FAM13C: variants seen among roughly 807,000 people sequenced by gnomAD.
FAM13C encodes family with sequence similarity 13 member C, also known as protein FAM13C.
Under a neutral mutation model 73.2 loss-of-function variants are expected in FAM13C, and 37 were observed. The ratio of observed to expected loss-of-function variants is 0.51; its 90% CI spans 0.39 to 0.67. The LOEUF is 0.67. Among genes scored for constraint, FAM13C ranks in the 30% least tolerant of loss-of-function variants. FAM13C has a pLI of 0.00. For missense variants in FAM13C, 589 were observed against 715.6 expected, an observed-to-expected ratio of 0.82 and a Z score of 2.02; for synonymous variants, 246 against 260.9, an observed-to-expected ratio of 0.94 and a Z score of 0.55.
Position 59,342,963 on chromosome 10 carries a change from T to C in FAM13C, c.324+9307A>G, listed in dbSNP as rs547800782. Among the ~76,000 whole-genome samples the C allele has an allele frequency of 2.6e-5, 4 of 152,356 alleles. No individual in the cohort carries two copies. The East Asian group carries it at 5.8e-4, about 22-fold the overall frequency. On this transcript the variant is annotated intron_variant, in intron 3 of 13. Coordinates refer to ENST00000618804, the MANE Select transcript of FAM13C (RefSeq NM_198215.4). ...GGATGTGCATTTGCATATGTATGTG[T>C]GTGCAGAAACCCAGCTCCCATATCT...
At chr10:59,354,078 C>T (rs112532081) in intron 2 of FAM13C, among the ~76,000 whole-genome samples, 104 of 152,154 alleles carry the variant, frequency 6.8e-4, no homozygotes, top group African/African-American at 2.4e-3. Flanking sequence ...TTTACAGTTA[C>T]CTAAATGCCC....
intron 3 of FAM13C, among the ~76,000 whole-genome samples, chr10:59,344,222 A>C (rs1224236969): frequency 6.6e-6 from 1 of 150,824 alleles, no homozygotes; most frequent in Admixed American, 6.6e-5. Flanking sequence ...TTGGCCTCCG[A>C]AAGTGCTGGG....
At chr10:59,291,706 ATCCTTGTTATGT>A (rs1846240253) in intron 5 of FAM13C, among the ~76,000 whole-genome samples, 1 of 151,798 alleles carries the variant, frequency 6.6e-6, no homozygotes. Flanking sequence ...TCATTATGAT[ATCCTTGTTATGT>A]TCACTTTATT....
At chr10:59,267,644 G>A (rs891339249) in intron 8 of FAM13C, among the ~76,000 whole-genome samples, 4 of 152,234 alleles carry the variant, frequency 2.6e-5, no homozygotes, top group South Asian at 2.1e-4. Context: ...CAGGAAGAAT[G>A]GAAGAGTGGA....
At chr10:59,312,303 A>G (rs879756467) in intron 4 of FAM13C, among the ~76,000 whole-genome samples, 3 of 152,176 alleles carry the variant, frequency 2.0e-5, no homozygotes, top group Admixed American at 2.0e-4. Context: ...TTGAGTAGGC[A>G]TTAATATTAA....
At chr10:59,321,712 A>C (rs1324521237) in intron 4 of FAM13C, among the ~76,000 whole-genome samples, 1 of 152,050 alleles carries the variant, frequency 6.6e-6, no homozygotes, top group Non-Finnish European at 1.5e-5. Flanking sequence ...ATTATTTGGC[A>C]TTCGTGAAAA....
At chr10:59,258,647 AC>A (rs1842173357) in intron 10 of FAM13C, among the ~76,000 whole-genome samples, 1 of 152,138 alleles carries the variant, frequency 6.6e-6, no homozygotes, top group South Asian at 2.1e-4. Context: ...GAGTCTTTTT[AC>A]CATTTTCTGT....
Position 59,262,468 on chromosome 10 carries a change from C to T in FAM13C, c.1202G>A (p.Arg401Lys), listed in dbSNP as rs777564914. Residue 401 changes from arginine (R) to lysine (K), a missense_variant, in exon 10 of 14, where the codon AGA becomes AAA. Physicochemically the swap from Arg to Lys is conservative, Grantham distance 26 (BLOSUM62 2). Transcript: ENST00000618804. The stretch of plus-strand genomic sequence containing the variant: ...CTCCTGGGGAGGAAGTTGCTCTCTT[C>T]TCTCCTTCAGGCATGTCAAGGCAGC... The part of the protein sequence containing the change: ...PDAALTCLKE[R>K]REQLPPQEDS... The T allele has an allele frequency of 4.3e-6, 7 of 1,613,714 alleles. No homozygotes were observed. The Admixed American group carries it at 6.7e-5, about 15-fold the overall frequency.
chr10:59,310,360 A>G (rs1848774823), intron 4 of FAM13C, among the ~76,000 whole-genome samples: 1 of 152,212 alleles, frequency 6.6e-6, no homozygotes, highest in Admixed American at 6.5e-5. Flanking sequence ...TGTTTTATAT[A>G]CAAACAATAG....
At chr10:59,318,393 A>G (rs1849792978) in intron 4 of FAM13C, among the ~76,000 whole-genome samples, 1 of 152,070 alleles carries the variant, frequency 6.6e-6, no homozygotes, top group Admixed American at 6.6e-5. Context: ...GGGAGGGGGA[A>G]TTATTTTTAT....
At chr10:59,295,918 T>C (rs1846862743) in intron 5 of FAM13C, among the ~76,000 whole-genome samples, 1 of 152,168 alleles carries the variant, frequency 6.6e-6, no homozygotes, top group African/African-American at 2.4e-5. Context: ...GTCAATAACA[T>C]CCTGTTCTTA....
chr10:59,317,196 A>C (rs935350457), intron 4 of FAM13C, among the ~76,000 whole-genome samples: 1 of 151,912 alleles, frequency 6.6e-6, no homozygotes, highest in African/African-American at 2.4e-5. Context: ...CCTCATTGAC[A>C]AATAACTATA....
At position 59,352,438 on chromosome 10, in the gene FAM13C, C is replaced by G; in HGVS notation, c.156G>C (p.Gly52=). 2 of 1,613,338 alleles carry G rather than the reference C, an allele frequency of 1.2e-6. No individual in the cohort carries two copies. Among genetic ancestry groups the G allele is most frequent in the Non-Finnish European group, 1.7e-6 (2 of 1,179,828 alleles). Residue 52 remains glycine (G), a synonymous_variant, in exon 3 of 14, where the codon GGG becomes GGC. Transcript: ENST00000618804. Reference sequence around the variant, plus strand: ...GCGGCGCGTGCTCTTCTACCAGAGCCCCTGCGTCGGGGTAGTTCTCTTTAT... The same window carrying G: ...GCGGCGCGTGCTCTTCTACCAGAGCGCCTGCGTCGGGGTAGTTCTCTTTAT... The part of the protein sequence containing the change: ...ENNKENYPDA[G]ALVEEHAPPS...
chr10:59,247,852 A>T (rs1447727147), intron 13 of FAM13C, 115 bp from the exon 14 acceptor site: 2 of 963,240 alleles, frequency 2.1e-6, no homozygotes, highest in Non-Finnish European at 3.0e-6. Context: ...TGGTTTTTGC[A>T]TCATGTCTTC....
intron 3 of FAM13C, among the ~76,000 whole-genome samples, chr10:59,325,358 T>C (rs1311239963): frequency 6.6e-6 from 1 of 152,104 alleles, no homozygotes; most frequent in Non-Finnish European, 1.5e-5. Flanking sequence ...TATGAATGCC[T>C]TCATACAAAA....
At chr10:59,329,656 A>C (rs529875830) in intron 3 of FAM13C, among the ~76,000 whole-genome samples, 8 of 152,078 alleles carry the variant, frequency 5.3e-5, no homozygotes, top group African/African-American at 1.9e-4. Flanking sequence ...CTGCGCCTGG[A>C]CTGATTCTAT....
chr10:59,315,589 C>T (rs1231249244), intron 4 of FAM13C, among the ~76,000 whole-genome samples: 2 of 152,092 alleles, frequency 1.3e-5, no homozygotes, highest in Non-Finnish European at 2.9e-5. Context: ...TGTCAGAGTC[C>T]CTGACATGAA....
At chr10:59,267,831 C>A (rs2133532548) in intron 8 of FAM13C, among the ~76,000 whole-genome samples, 1 of 152,234 alleles carries the variant, frequency 6.6e-6, no homozygotes, top group South Asian at 2.1e-4. Flanking sequence ...GCCGAAGACC[C>A]AATGTCTTTG....
chr10:59,267,447 G>T lies in FAM13C; in HGVS notation c.942+1106C>A, dbSNP rs183129692. Among the ~76,000 whole-genome samples the T allele has an allele frequency of 2.7e-3, 404 of 152,232 alleles. 4 individuals are homozygous for T. Among genetic ancestry groups the T allele is most frequent in the African/African-American group, 9.4e-3 (390 of 41,536 alleles). ...AAATCCTGGACTAATAATGTGTTGA[G>T]CTCCCTTCTGCTCTGTAAAAGACAA... On this transcript the variant is annotated intron_variant, in intron 8 of 13. Transcript: ENST00000618804.
Sources: allele counts gnomAD v4.1 joint callset (sites outside exome capture counted in the v4.1 genomes callset), GRCh38; gene constraint gnomAD v4.1.1; transcripts MANE v1.5; gene names NCBI Gene and HGNC (gene_info 2026-07-23, HGNC 2026-07-21).